ZNF444: variants seen among roughly 807,000 people sequenced by gnomAD.
ZNF444 encodes endothelial zinc finger protein 2.
In ZNF444, 8 loss-of-function variants were observed where a neutral mutation model predicts 14.4. That is an observed-to-expected ratio of 0.56 (90% CI 0.33 to 1.00). The LOEUF is 1.00. Among genes scored for constraint, ZNF444 ranks in the 50% least tolerant of loss-of-function variants. The pLI is 0.03. For synonymous variants in ZNF444, 258 were observed against 235.9 expected (o/e 1.09, Z -0.86); for missense variants, 510 against 504.8 (o/e 1.01, Z -0.10).
upstream of ZNF444, chr19:56,141,176 C>CG (rs1255417912): frequency 1.4e-5 from 2 of 144,014 alleles, no homozygotes; most frequent in Non-Finnish European, 3.0e-5. Context: ...AGTTGTAGTT[C>CG]GGGGTGAGGC....
At chr19:56,136,076 C>T (rs11667288) in intron 1 of ZNF444, among the ~76,000 whole-genome samples, 97,926 of 115,794 alleles carry the variant, frequency 0.85, 40,849 homozygotes, top group South Asian at 0.94. Flanking sequence ...AGCGAGATTC[C>T]GTCTCAAAAA....
In ZNF444 at chr19:56,159,906, C is replaced by G. The variant is rs1391697647; in HGVS notation, c.689C>G (p.Pro230Arg). ...CTGCGGCGCCACCGCGACACGCACCCCGGCAGCCCCGGCAGCCCCGGGCCC... is the reference window on the plus strand; with the variant it reads ...CTGCGGCGCCACCGCGACACGCACCGCGGCAGCCCCGGCAGCCCCGGGCCC... ...EHLRRHRDTHPGSPGSPGPAL... is the reference protein window; with the variant it reads ...EHLRRHRDTHRGSPGSPGPAL... The change falls in exon 5 of 5, where the codon CCC becomes CGC. Residue 230 changes from proline (P) to arginine (R), a missense_variant. By Grantham distance (103) the Pro-to-Arg change is moderately radical (BLOSUM62 -2). Transcript: ENST00000337080. 1 of 1,375,354 alleles carries G rather than the reference C, an allele frequency of 7.3e-7. No homozygotes were observed. Among genetic ancestry groups the G allele is most frequent in the African/African-American group, 1.5e-5 (1 of 64,906 alleles). 85.2% of individuals were successfully genotyped at this position (1,375,354 alleles called of 1,614,324 possible). A position where few individuals can be genotyped will look rare whatever the true frequency, so the allele number is the denominator to read the frequency against.
At chr19:56,135,833 C>G (rs962128839) in intron 1 of ZNF444, among the ~76,000 whole-genome samples, 5 of 151,788 alleles carry the variant, frequency 3.3e-5, no homozygotes, top group African/African-American at 1.2e-4. Context: ...AATCCCAGCA[C>G]TTCGGGAGGC....
intron 3 of ZNF444, chr19:56,155,327 G>C (rs1218282540): frequency 6.6e-6 from 1 of 152,482 alleles, no homozygotes; most frequent in Non-Finnish European, 1.5e-5. Flanking sequence ...GGCCAGGAAC[G>C]CTTCCCCGAG....
At chr19:56,158,681 G>A in intron 4 of ZNF444, 79 bp downstream of exon 4, 1 of 1,287,410 alleles carries the variant, frequency 7.8e-7, no homozygotes, top group Non-Finnish European at 1.1e-6. Flanking sequence ...CCTGGCACCA[G>A]GACCCAGGAC....
rs1435070340 is a variant in ZNF444, at chr19:56,142,619, G to C, written c.-197+1262G>C. Reference sequence around the variant, plus strand: ...GTTGGGAACCTAGAGTAGACAAACCGGTCTTTGTCGAGCACTTAGCCTTTG... The same window carrying C: ...GTTGGGAACCTAGAGTAGACAAACCCGTCTTTGTCGAGCACTTAGCCTTTG... On this transcript the variant is annotated intron_variant, in intron 1 of 4. Transcript: ENST00000337080. Among the ~76,000 whole-genome samples the C allele has an allele frequency of 2.0e-5, 3 of 152,294 alleles. No homozygotes were observed. The East Asian group carries it at 5.8e-4, about 29-fold the overall frequency.
rs2032178694 is a variant in ZNF444, at chr19:56,159,928, G to C, written c.711G>C (p.Gly237=). The C allele has an allele frequency of 1.3e-6, 2 of 1,496,562 alleles. No homozygotes were observed. Among genetic ancestry groups the C allele is most frequent in the Admixed American group, 2.2e-5 (1 of 45,234 alleles). The allele number at this position is 1,496,562 out of a possible 1,614,324, so 92.7% of individuals were successfully genotyped here. A position where few individuals can be genotyped will look rare whatever the true frequency, so the allele number is the denominator to read the frequency against. ...ACCCCGGCAGCCCCGGCAGCCCCGGGCCCGCGCTGCGCCCTCTGCCCGCCC... is the reference window on the plus strand; with the variant it reads ...ACCCCGGCAGCCCCGGCAGCCCCGGCCCCGCGCTGCGCCCTCTGCCCGCCC... The part of the protein sequence containing the change: ...DTHPGSPGSP[G]PALRPLPARE... The change falls in exon 5 of 5, where the codon GGG becomes GGC. Residue 237 remains glycine, a synonymous_variant. Transcript: ENST00000337080.
Position 56,158,566 on chromosome 19 carries a change from A to G in ZNF444, c.370A>G (p.Thr124Ala). 1.2e-6 allele frequency: 2 copies of G among 1,611,926 alleles called. No individual in the cohort carries two copies. Among genetic ancestry groups the G allele is most frequent in the Non-Finnish European group, 1.7e-6 (2 of 1,178,982 alleles). The change falls in exon 4 of 5, where the codon ACA (threonine) becomes GCA (alanine). Residue 124 changes from threonine to alanine, a missense_variant. Coordinates refer to ENST00000337080, the MANE Select transcript of ZNF444 (RefSeq NM_018337.4). ...GGATGTGACGCAGGGCCCTGGGGCC[A>G]CAGGTGGAAAGGAGGACAGTGGGAT... ...PQDVTQGPGA[T>A]GGKEDSGMIP...
rs116685006 is a variant in ZNF444, at chr19:56,135,443, C to T, written c.-197+2665C>T. 8.9e-3 allele frequency among the ~76,000 whole-genome samples: 1,351 copies of T among 152,064 alleles called. 18 individuals are homozygous for T. The highest frequency in any genetic ancestry group is 0.03 in the African/African-American group (1,261 of 41,464). On this transcript the variant is annotated intron_variant, in intron 1 of 2. Coordinates refer to the ZNF444 transcript ENST00000587467. ...GAGAAGCCTGGAGGTAGGGCAGGTC[C>T]AGCCACGGTTGGTTAAAATTCAGCT...
chr19:56,160,493 T>G lies in ZNF444; in HGVS notation c.*292T>G. The G allele has an allele frequency of 9.6e-5, 32 of 332,550 alleles. No homozygotes were observed. Among genetic ancestry groups the G allele is most frequent in the Middle Eastern group, 8.0e-4 (1 of 1,248 alleles). The allele number at this position is 332,550 out of a possible 1,614,324, so 20.6% of individuals were successfully genotyped here. On this transcript the variant is annotated 3_prime_UTR_variant, in exon 5 of 5. Coordinates refer to ENST00000337080, the MANE Select transcript of ZNF444 (RefSeq NM_018337.4). ...CCTAATGTCTCCTCCTTCCCCCCTCTTCTCTCTCCTGCGGCCCAGCCTCCC... is the reference window on the plus strand; with the variant it reads ...CCTAATGTCTCCTCCTTCCCCCCTCGTCTCTCTCCTGCGGCCCAGCCTCCC...
intron 1 of ZNF444, among the ~76,000 whole-genome samples, chr19:56,135,161 G>T (rs1226070401): frequency 6.6e-6 from 1 of 152,138 alleles, no homozygotes; most frequent in African/African-American, 2.4e-5. Flanking sequence ...AACCCAGGAG[G>T]TGGAGCTTGC....
upstream of ZNF444, among the ~76,000 whole-genome samples, chr19:56,138,651 A>G (rs987885374): frequency 1.1e-4 from 17 of 151,990 alleles, no homozygotes; most frequent in Non-Finnish European, 2.1e-4. Flanking sequence ...AAATTACAGA[A>G]ACTGATAACA....
At chr19:56,138,095 G>C, upstream of ZNF444, among the ~76,000 whole-genome samples, 1 of 152,086 alleles carries the variant, frequency 6.6e-6, no homozygotes, top group East Asian at 1.9e-4. Flanking sequence ...TTGCACTCCA[G>C]CCTGGGTGAC....
At position 56,159,877 on chromosome 19, in the gene ZNF444, G is replaced by A. The variant is rs761943187; in HGVS notation, c.660G>A (p.Glu220=). The part of the protein sequence containing the change: ...PECGKAFRRK[E]HLRRHRDTHP... Reference sequence around the variant, plus strand: ...GCGGGAAGGCCTTTCGGCGCAAGGAGCACCTGCGGCGCCACCGCGACACGC... The same window carrying A: ...GCGGGAAGGCCTTTCGGCGCAAGGAACACCTGCGGCGCCACCGCGACACGC... Residue 220 remains glutamate (E), a synonymous_variant, in exon 5 of 5, where the codon GAG becomes GAA. Transcript: ENST00000337080. The A allele has an allele frequency of 1.3e-6, 2 of 1,530,496 alleles. No homozygotes were observed. The highest frequency in any genetic ancestry group is 1.7e-6 in the Non-Finnish European group (2 of 1,144,260). 94.8% of individuals were successfully genotyped at this position (1,530,496 alleles called of 1,614,324 possible). A position where few individuals can be genotyped will look rare whatever the true frequency, so the allele number is the denominator to read the frequency against.
At chr19:56,141,554 G>A (rs2030807924) in intron 1 of ZNF444, among the ~76,000 whole-genome samples, 197 bp downstream of exon 1, 1 of 99,332 alleles carries the variant, frequency 1.0e-5, no homozygotes, top group Admixed American at 9.7e-5. Context: ...CTTGGAGAGG[G>A]GGAGGGGTGG....
chr19:56,142,045 A>G (rs915556961), intron 1 of ZNF444, among the ~76,000 whole-genome samples: 2 of 152,144 alleles, frequency 1.3e-5, no homozygotes, highest in Admixed American at 6.5e-5. Context: ...TGTCAAATGA[A>G]GTTGACCCCC....
intron 1 of ZNF444, among the ~76,000 whole-genome samples, chr19:56,133,081 G>T (rs1426194204): frequency 6.6e-6 from 1 of 151,664 alleles, no homozygotes; most frequent in African/African-American, 2.4e-5. Context: ...GGGATTACAG[G>T]CATGGGCCAC....
In ZNF444 at chr19:56,132,935, C is replaced by CTTTTTTTTTTTTTTTTTTTTT. The variant is rs61365745; in HGVS notation, c.-197+177_-197+178insTTTTTTTTTTTTTTTTTTTTT. Reference sequence around the variant, plus strand: ...TTTCTTTTTCTTTCTTTCTTTCTTTCTTTTTTTTTTTTTTTTTTTTGAGAC... The same window carrying CTTTTTTTTTTTTTTTTTTTTT: ...TTTCTTTTTCTTTCTTTCTTTCTTTCTTTTTTTTTTTTTTTTTTTTTTTTTTTTTTTTTTTTTTTTTGAGAC... On this transcript the variant is annotated intron_variant, in intron 1 of 2. Transcript: ENST00000587467. 1.8e-4 allele frequency among the ~76,000 whole-genome samples: 17 copies of CTTTTTTTTTTTTTTTTTTTTT among 94,262 alleles called. 1 individual carries two copies. Among genetic ancestry groups the CTTTTTTTTTTTTTTTTTTTTT allele is most frequent in the South Asian group, 4.5e-4 (1 of 2,218 alleles). 61.8% of individuals were successfully genotyped at this position (94,262 alleles called of 152,430 possible). A position where few individuals can be genotyped will look rare whatever the true frequency, so the allele number is the denominator to read the frequency against.
rs2032151322 is a variant in ZNF444 at position 56,159,692 on chromosome 19, G to A, written c.475G>A (p.Glu159Lys). 1.9e-6 allele frequency: 3 copies of A among 1,539,428 alleles called. No homozygotes were observed. Among genetic ancestry groups the A allele is most frequent in the Non-Finnish European group, 2.6e-6 (3 of 1,147,174 alleles). The part of the protein sequence containing the change: ...DSQAVRPYKQ[E>K]PSSPPLAPGL... ...CCAGGCTGTGCGCCCCTACAAGCAG[G>A]AGCCCAGCAGCCCCCCGCTGGCGCC... The change falls in exon 5 of 5, where the codon GAG becomes AAG. Residue 159 changes from glutamate (E) to lysine (K), a missense_variant. Transcript: ENST00000337080.
Sources: allele counts gnomAD v4.1 joint callset (sites outside exome capture counted in the v4.1 genomes callset), GRCh38; gene constraint gnomAD v4.1.1; transcripts MANE v1.5; gene names NCBI Gene and HGNC (gene_info 2026-07-23, HGNC 2026-07-21).